The following XPO1 variants were observed in gnomAD, a reference collection of about 807,000 sequenced individuals.
The protein encoded by XPO1 is exportin-1.
In XPO1, 5 loss-of-function variants were observed where a neutral mutation model predicts 133.3. That is an observed-to-expected ratio of 0.04 (90% confidence interval 0.02 to 0.08). The LOEUF (loss-of-function observed/expected upper bound fraction) is 0.08. XPO1 is among the 10% of genes least tolerant of loss of function. The pLI, the probability that XPO1 is intolerant of heterozygous loss-of-function variation, is 1.00. For missense variants in XPO1, 506 were observed against 1,267.5 expected, an observed-to-expected ratio of 0.40 and a Z score of 9.12; for synonymous variants, 419 against 408.2, an observed-to-expected ratio of 1.03 and a Z score of -0.32.
intron 4 of XPO1, among the ~76,000 whole-genome samples, chr2:61,522,386 A>G (rs1698737072): frequency 6.6e-6 from 1 of 152,186 alleles, no homozygotes; most frequent in Non-Finnish European, 1.5e-5. Context: ...ATTTATTGTC[A>G]GAGTTTTCAA....
At chr2:61,515,294 A>C (rs1178349914) in intron 4 of XPO1, among the ~76,000 whole-genome samples, 3 of 152,216 alleles carry the variant, frequency 2.0e-5, no homozygotes, top group Non-Finnish European at 2.9e-5. Flanking sequence ...TCAAAGGCCA[A>C]TATCAATTAA....
intron 2 of XPO1, among the ~76,000 whole-genome samples, chr2:61,532,329 GTGTTAGCCAGGATGGTC>G (rs1243965430): frequency 2.6e-5 from 4 of 151,766 alleles, no homozygotes. Context: ...GGGTTTCACC[GTGTTAGCCAGGATGGTC>G]TCGATCTCCT....
At chr2:61,508,635 T>C (rs1007403994) in intron 4 of XPO1, among the ~76,000 whole-genome samples, 16 of 152,224 alleles carry the variant, frequency 1.1e-4, no homozygotes, top group African/African-American at 3.9e-4. Flanking sequence ...AAACACTGGA[T>C]ACTCAATGAT....
chr2:61,534,255 G>T (rs896792401), intron 1 of XPO1: 1 of 161,708 alleles, frequency 6.2e-6, no homozygotes, highest in Non-Finnish European at 1.3e-5. Flanking sequence ...TCAGTATCTT[G>T]ATGTCAAAAC....
At chr2:61,517,462 G>C (rs1026469235) in intron 4 of XPO1, among the ~76,000 whole-genome samples, 1 of 152,150 alleles carries the variant, frequency 6.6e-6, no homozygotes, top group African/African-American at 2.4e-5. Flanking sequence ...GCACATGCCT[G>C]TAGTCCTAGC....
intron 17 of XPO1, among the ~76,000 whole-genome samples, chr2:61,489,195 C>T (rs894866066): frequency 5.9e-5 from 9 of 152,056 alleles, no homozygotes; most frequent in African/African-American, 2.2e-4. Context: ...GGGTGCATCA[C>T]CTGAGGTCGG....
intron 9 of XPO1, among the ~76,000 whole-genome samples, 162 bp downstream of exon 9, chr2:61,498,511 A>C (rs1697349955): frequency 6.6e-6 from 1 of 152,204 alleles, no homozygotes; most frequent in African/African-American, 2.4e-5. Context: ...AACTCACTTT[A>C]AATAATTTAC....
chr2:61,503,830 C>T (rs186561834), intron 4 of XPO1, among the ~76,000 whole-genome samples: 2 of 152,296 alleles, frequency 1.3e-5, no homozygotes, highest in African/African-American at 4.8e-5. Flanking sequence ...GCCTCCCAGA[C>T]TGCTGGGATT....
chr2:61,485,810 T>C lies in XPO1; in HGVS notation c.2466A>G (p.Ile822Met), dbSNP rs1384560348. Residue 822 changes from isoleucine (I) to methionine (M), a missense_variant, in exon 20 of 25, where the codon ATA (isoleucine) becomes ATG (methionine). Coordinates refer to ENST00000401558, the MANE Select transcript of XPO1 (RefSeq NM_003400.4). Reference protein sequence around the residue: ...GGHITAEIPQIFDAVFECTLN... With the variant: ...GGHITAEIPQMFDAVFECTLN... ...ATGTGCATTCAAAAACAGCATCAAA[T>C]ATTTGAGGTATTTCAGCTGTTATAT... 6.2e-7 allele frequency: 1 copy of C among 1,613,588 alleles called. No homozygotes were observed. Among genetic ancestry groups the C allele is most frequent in the Non-Finnish European group, 8.5e-7 (1 of 1,179,806 alleles).
intron 4 of XPO1, among the ~76,000 whole-genome samples, chr2:61,520,506 G>C (rs1199948945): frequency 6.6e-6 from 1 of 151,784 alleles, no homozygotes; most frequent in African/African-American, 2.4e-5. Flanking sequence ...AAAAAATTTA[G>C]TAGGGCATGG....
chr2:61,493,200 G>T (rs1231932442), intron 12 of XPO1, 147 bp from the exon 13 acceptor site: 1 of 748,508 alleles, frequency 1.3e-6, no homozygotes, highest in East Asian at 2.8e-5. Context: ...AACTATTCCG[G>T]AGGGCCGAGG....
intron 4 of XPO1, among the ~76,000 whole-genome samples, chr2:61,515,380 CTT>C (rs370824433): frequency 6.6e-6 from 1 of 152,252 alleles, no homozygotes; most frequent in East Asian, 1.9e-4. Context: ...GTTTCTGAAA[CTT>C]TGAGACTTTG....
chr2:61,526,820 G>C (rs564828736), intron 2 of XPO1, among the ~76,000 whole-genome samples: 77 of 150,754 alleles, frequency 5.1e-4, no homozygotes, highest in African/African-American at 1.8e-3. Context: ...CGATTCTCCC[G>C]CCTCAGCCTC....
At chr2:61,499,021 C>A (rs2104497552) in intron 7 of XPO1, 108 bp from the exon 8 acceptor site, 1 of 1,261,598 alleles carries the variant, frequency 7.9e-7, no homozygotes, top group South Asian at 1.6e-5. Flanking sequence ...GTGGCTCATG[C>A]CTGTAATCGC....
intron 3 of XPO1, chr2:61,525,815 G>T (rs775433019): frequency 9.6e-7 from 1 of 1,038,888 alleles, no homozygotes; most frequent in Non-Finnish European, 1.2e-6. Flanking sequence ...TATATCAAGT[G>T]GAAACCTTTC....
At chr2:61,505,846 G>A (rs1161977853) in intron 4 of XPO1, among the ~76,000 whole-genome samples, 5 of 152,196 alleles carry the variant, frequency 3.3e-5, no homozygotes, top group South Asian at 2.1e-4. Context: ...GAGCCACCGC[G>A]CCTGGCTGAT....
intron 4 of XPO1, among the ~76,000 whole-genome samples, chr2:61,516,463 G>A (rs528382311): frequency 3.4e-4 from 52 of 152,036 alleles, no homozygotes; most frequent in African/African-American, 1.2e-3. Context: ...TGCCCAGGCC[G>A]TAGTGCAATG....
chr2:61,518,836 A>G (rs1698542646), intron 4 of XPO1, among the ~76,000 whole-genome samples: 2 of 152,216 alleles, frequency 1.3e-5, no homozygotes, highest in Non-Finnish European at 2.9e-5. Flanking sequence ...AATGTAATAA[A>G]TTTTATATAA....
At chr2:61,505,832 A>C (rs1490905133) in intron 4 of XPO1, among the ~76,000 whole-genome samples, 8 of 152,160 alleles carry the variant, frequency 5.3e-5, no homozygotes, top group Non-Finnish European at 1.2e-4. Flanking sequence ...TGCTGGGATT[A>C]CATGAGCCAC....
Sources: allele counts gnomAD v4.1 joint callset (sites outside exome capture counted in the v4.1 genomes callset), GRCh38; gene constraint gnomAD v4.1.1; transcripts MANE v1.5; gene names NCBI Gene and HGNC (gene_info 2026-07-23, HGNC 2026-07-21).